The following TRPC7 variants were observed in gnomAD, a reference collection of about 807,000 sequenced individuals.
The protein encoded by TRPC7 is short transient receptor potential channel 7.
TRPC7 carries 42 observed loss-of-function variants against 90.1 expected under a neutral mutation model. The observed-to-expected ratio is 0.47, with a 90% confidence interval of 0.36 to 0.60. The LOEUF (loss-of-function observed/expected upper bound fraction) is 0.60, where lower values mean the gene tolerates loss of function less well. Ranked by LOEUF, TRPC7 falls within the 20% of genes least tolerant of loss-of-function variation. The pLI is 0.00. For missense variants in TRPC7, 955 were observed against 1,112.3 expected (o/e 0.86, Z 2.01); for synonymous variants, 451 against 436.3 (o/e 1.03, Z -0.42).
At chr5:136,230,705 T>C (rs1755789233) in intron 8 of TRPC7, among the ~76,000 whole-genome samples, 2 of 152,238 alleles carry the variant, frequency 1.3e-5, no homozygotes, top group South Asian at 4.1e-4. Context: ...GCCTTTTAGA[T>C]TTTGATAAAT....
chr5:136,299,089 G>A (rs1758281971), intron 3 of TRPC7, among the ~76,000 whole-genome samples: 1 of 151,984 alleles, frequency 6.6e-6, no homozygotes, highest in Non-Finnish European at 1.5e-5. Context: ...GTCACCTGAG[G>A]TTGGGAGTTC....
At chr5:136,223,216 A>G (rs767416676) in intron 10 of TRPC7, among the ~76,000 whole-genome samples, 10 of 152,260 alleles carry the variant, frequency 6.6e-5, no homozygotes, top group Non-Finnish European at 1.0e-4. Flanking sequence ...TAGATGACCA[A>G]TCTCTGTAAT....
chr5:136,323,850 A>G (rs957118219), intron 2 of TRPC7, among the ~76,000 whole-genome samples: 3 of 152,234 alleles, frequency 2.0e-5, no homozygotes, highest in Admixed American at 2.0e-4. Context: ...AAGCTTGTTC[A>G]TATCTACAAG....
intron 3 of TRPC7, among the ~76,000 whole-genome samples, chr5:136,305,074 A>T (rs1758565195): frequency 6.6e-6 from 1 of 152,134 alleles, no homozygotes; most frequent in Non-Finnish European, 1.5e-5. Context: ...TACCTGACGC[A>T]TATACTTTCT....
At chr5:136,290,064 G>C (rs892369264) in intron 3 of TRPC7, among the ~76,000 whole-genome samples, 3 of 152,206 alleles carry the variant, frequency 2.0e-5, no homozygotes, top group Non-Finnish European at 4.4e-5. Context: ...AACTCCAACA[G>C]ACCTGCAGCT....
chr5:136,223,479 G>A (rs1026567807), intron 10 of TRPC7, among the ~76,000 whole-genome samples: 5 of 152,120 alleles, frequency 3.3e-5, no homozygotes, highest in African/African-American at 1.2e-4. Context: ...CAGGCATGGT[G>A]GCGCATGCCT....
chr5:136,266,975 T>C (rs575667847), intron 4 of TRPC7, among the ~76,000 whole-genome samples: 2 of 152,246 alleles, frequency 1.3e-5, no homozygotes, highest in South Asian at 2.1e-4. Context: ...AAATATTTTA[T>C]AAATTATATT....
intron 3 of TRPC7, among the ~76,000 whole-genome samples, chr5:136,282,771 A>G (rs908162056): frequency 2.6e-5 from 4 of 152,200 alleles, no homozygotes; most frequent in African/African-American, 9.7e-5. Context: ...GCAGCTGGTG[A>G]GCACAAACCT....
chr5:136,364,890 T>C (rs1323934739), intron 1 of TRPC7, among the ~76,000 whole-genome samples: 1 of 152,170 alleles, frequency 6.6e-6, no homozygotes, highest in African/African-American at 2.4e-5. Flanking sequence ...CCTATATTTA[T>C]ATTATGATAA....
chr5:136,339,346 G>T (rs944993004), intron 2 of TRPC7, among the ~76,000 whole-genome samples: 2 of 152,168 alleles, frequency 1.3e-5, no homozygotes, highest in Non-Finnish European at 2.9e-5. Flanking sequence ...TGGCCACAAG[G>T]TTAGAATTAT....
chr5:136,320,065 G>T (rs1759142065), intron 2 of TRPC7, among the ~76,000 whole-genome samples: 1 of 151,496 alleles, frequency 6.6e-6, no homozygotes. Context: ...TCTCCACTTG[G>T]ATGTCTAATA....
intron 10 of TRPC7, among the ~76,000 whole-genome samples, chr5:136,220,725 C>T (rs747937683): frequency 6.6e-6 from 1 of 152,120 alleles, no homozygotes; most frequent in Non-Finnish European, 1.5e-5. Context: ...GATCTTTGTT[C>T]TCCTTTGAAG....
At chr5:136,238,423 C>A (rs10463951) in intron 7 of TRPC7, among the ~76,000 whole-genome samples, 1 of 151,882 alleles carries the variant, frequency 6.6e-6, no homozygotes, top group Non-Finnish European at 1.5e-5. Context: ...GATGATGGAA[C>A]GCTGGGAAAC....
chr5:136,357,015 T>C lies in TRPC7; in HGVS notation c.373A>G (p.Ile125Val). Residue 125 changes from isoleucine to valine, a missense_variant, in exon 2 of 12, where the codon ATC becomes GTC. Ile to Val is a conservative substitution (Grantham distance 29, BLOSUM62 3). This residue lies in a region of TRPC7 where 14 missense variants were observed against 34.2 expected (regional missense o/e 0.41). Transcript: ENST00000513104. ...SKGYVRIVEA[I>V]LNHPAFAQGQ... ...TGCGCGAAGGCCGGGTGGTTGAGGA[T>C]GGCCTCCACGATGCGCACATAGCCC... 3 of 1,612,948 alleles carry C rather than the reference T, an allele frequency of 1.9e-6. No homozygotes were observed. The highest frequency in any genetic ancestry group is 2.5e-6 in the Non-Finnish European group (3 of 1,179,908).
intron 3 of TRPC7, among the ~76,000 whole-genome samples, chr5:136,281,234 C>T (rs187279699): frequency 6.6e-6 from 1 of 152,244 alleles, no homozygotes; most frequent in African/African-American, 2.4e-5. Context: ...GGCTTGAAGC[C>T]CCTTTTCTTG....
chr5:136,279,644 C>T (rs146934220), intron 3 of TRPC7, among the ~76,000 whole-genome samples: 30 of 152,300 alleles, frequency 2.0e-4, no homozygotes, highest in African/African-American at 7.0e-4. Flanking sequence ...AAAGAGGCCA[C>T]CCTCCATACC....
intron 2 of TRPC7, among the ~76,000 whole-genome samples, chr5:136,353,853 A>C (rs1190328391): frequency 6.6e-6 from 1 of 152,236 alleles, no homozygotes; most frequent in Non-Finnish European, 1.5e-5. Flanking sequence ...CACAATTTTC[A>C]TATTTACTTT....
chr5:136,304,347 C>G (rs1431161387), intron 3 of TRPC7, among the ~76,000 whole-genome samples: 1 of 152,122 alleles, frequency 6.6e-6, no homozygotes, highest in Non-Finnish European at 1.5e-5. Flanking sequence ...TGTTATCACT[C>G]GCCTGCTACA....
At chr5:136,351,601 G>A (rs1407575497) in intron 2 of TRPC7, among the ~76,000 whole-genome samples, 3 of 152,192 alleles carry the variant, frequency 2.0e-5, no homozygotes, top group African/African-American at 7.2e-5. Context: ...CACAGCCAGA[G>A]GTTAGATGTG....
Sources: allele counts gnomAD v4.1 joint callset (sites outside exome capture counted in the v4.1 genomes callset), GRCh38; gene constraint gnomAD v4.1.1; regional missense constraint gnomAD v4.1.1; transcripts MANE v1.5; gene names NCBI Gene and HGNC (gene_info 2026-07-23, HGNC 2026-07-21).